SMARCAD1: variants seen among roughly 807,000 people sequenced by gnomAD.
SMARCAD1 encodes SNF2 related chromatin remodeling ATPase with DExD box 1, also known as SWI/SNF-related matrix-associated actin-dependent regulator of chromatin subfamily A containing DEAD/H box 1.
Under a neutral mutation model 127.1 loss-of-function variants are expected in SMARCAD1, and 25 were observed. The ratio of observed to expected loss-of-function variants is 0.20; its 90% CI spans 0.14 to 0.27. The LOEUF (loss-of-function observed/expected upper bound fraction) is 0.27, where lower values mean the gene tolerates loss of function less well. Among genes scored for constraint, SMARCAD1 ranks in the 10% least tolerant of loss-of-function variants. SMARCAD1 has a pLI of 1.00. For synonymous variants in SMARCAD1, 400 were observed against 396.9 expected (o/e 1.01, Z -0.09); for missense variants, 807 against 1,206.0 (o/e 0.67, Z 4.90).
chr4:94,237,497 C>CT (rs1746859232), intron 5 of SMARCAD1, among the ~76,000 whole-genome samples: 1 of 92,588 alleles, frequency 1.1e-5, no homozygotes, highest in African/African-American at 3.5e-5. Flanking sequence ...CTTACACATA[C>CT]TAAAAAAAAA....
chr4:94,221,280 T>A (rs1450440067), intron 2 of SMARCAD1, among the ~76,000 whole-genome samples: 1 of 152,220 alleles, frequency 6.6e-6, no homozygotes, highest in Admixed American at 6.5e-5. Context: ...TATTACTCAG[T>A]GAACTAGTAT....
chr4:94,274,544 T>C (rs1351228984), intron 12 of SMARCAD1, among the ~76,000 whole-genome samples, 194 bp from the exon 13 acceptor site: 4 of 152,182 alleles, frequency 2.6e-5, no homozygotes, highest in African/African-American at 9.6e-5. Flanking sequence ...ATCAAACTCC[T>C]GACCTCAGGT....
chr4:94,287,172 T>TA (rs1318265494), intron 23 of SMARCAD1, among the ~76,000 whole-genome samples: 1 of 152,192 alleles, frequency 6.6e-6, no homozygotes, highest in Non-Finnish European at 1.5e-5. Flanking sequence ...AAGCTGTTTA[T>TA]ATGTGTTTTT....
At chr4:94,279,933 C>T (rs969862284) in intron 19 of SMARCAD1, among the ~76,000 whole-genome samples, 4 of 151,926 alleles carry the variant, frequency 2.6e-5, no homozygotes, top group Non-Finnish European at 5.9e-5. Flanking sequence ...GGCATGATCT[C>T]TGCTCACTGC....
chr4:94,279,331 G>A (rs562862605), intron 19 of SMARCAD1, among the ~76,000 whole-genome samples: 3 of 152,156 alleles, frequency 2.0e-5, no homozygotes, highest in African/African-American at 7.2e-5. Context: ...GTACGGATGG[G>A]GTTTTGCCAT....
chr4:94,234,209 C>A (rs2664889), intron 4 of SMARCAD1, 87 bp downstream of exon 4: 1 of 1,175,888 alleles, frequency 8.5e-7, no homozygotes, highest in Non-Finnish European at 1.2e-6. Context: ...AGTCATTTTT[C>A]TAAAGATATC....
intron 6 of SMARCAD1, among the ~76,000 whole-genome samples, chr4:94,243,649 T>C (rs1458277131): frequency 6.6e-6 from 1 of 152,206 alleles, no homozygotes; most frequent in Non-Finnish European, 1.5e-5. Flanking sequence ...AAAATTTGCA[T>C]GTGCTTATGT....
At chr4:94,249,556 A>T in intron 6 of SMARCAD1, 98 bp from the exon 7 acceptor site, 1 of 737,230 alleles carries the variant, frequency 1.4e-6, no homozygotes, top group Non-Finnish European at 2.5e-6. Context: ...ACTGATGATG[A>T]TAATTTTCAG....
In SMARCAD1 at chr4:94,276,352, A is replaced by G. The variant is rs763264827; in HGVS notation, c.1822A>G (p.Ile608Val). 6.2e-7 allele frequency: 1 copy of G among 1,614,170 alleles called. No individual in the cohort carries two copies. Among genetic ancestry groups the G allele is most frequent in the African/African-American group, 1.3e-5 (1 of 75,060 alleles). ...NVIVTTYNCAISSSDDRSLFR... is the reference protein window; with the variant it reads ...NVIVTTYNCAVSSSDDRSLFR... ...TTTTGGTGACAGATATAACTGTGCG[A>G]TCAGCAGTTCTGATGACCGTAGTCT... Residue 608 changes from isoleucine to valine, a missense_variant, in exon 15 of 24, where the codon ATC (isoleucine) becomes GTC (valine). By Grantham distance (29) the Ile-to-Val change is conservative. Coordinates refer to ENST00000354268, the MANE Select transcript of SMARCAD1 (RefSeq NM_020159.5).
chr4:94,264,537 T>C (rs1751459375), intron 9 of SMARCAD1, 170 bp from the exon 10 acceptor site: 1 of 565,364 alleles, frequency 1.8e-6, no homozygotes, highest in African/African-American at 1.9e-5. Flanking sequence ...AAGTGAAACA[T>C]GTAGCAACTC....
intron 2 of SMARCAD1, among the ~76,000 whole-genome samples, chr4:94,212,792 A>G (rs1477215236): frequency 6.6e-6 from 1 of 152,110 alleles, no homozygotes; most frequent in East Asian, 1.9e-4. Flanking sequence ...TTTATTTTAA[A>G]ATAGGACCTT....
chr4:94,219,433 A>C (rs143822270), intron 2 of SMARCAD1, among the ~76,000 whole-genome samples: 1 of 151,670 alleles, frequency 6.6e-6, no homozygotes, highest in Non-Finnish European at 1.5e-5. Flanking sequence ...TTTTTGTTTG[A>C]AGGAGCCTTG....
intron 7 of SMARCAD1, among the ~76,000 whole-genome samples, 155 bp downstream of exon 7, chr4:94,249,910 C>G (rs957987812): frequency 4.6e-5 from 7 of 151,844 alleles, no homozygotes; most frequent in Admixed American, 4.6e-4. Context: ...TATTTTCATA[C>G]TGTTTATTTA....
intron 3 of SMARCAD1, 60 bp from the exon 4 acceptor site, chr4:94,233,894 A>G: frequency 6.5e-7 from 1 of 1,536,138 alleles, no homozygotes; most frequent in South Asian, 1.1e-5. Context: ...TAGACACTAT[A>G]ATGAAATAAC....
At chr4:94,225,310 C>T (rs977475920) in intron 2 of SMARCAD1, among the ~76,000 whole-genome samples, 1 of 152,090 alleles carries the variant, frequency 6.6e-6, no homozygotes, top group Admixed American at 6.5e-5. Context: ...AAGGTGATCT[C>T]CTTCCTGCCT....
At chr4:94,211,935 C>T (rs950571981) in intron 2 of SMARCAD1, among the ~76,000 whole-genome samples, 2 of 139,458 alleles carry the variant, frequency 1.4e-5, no homozygotes, top group African/African-American at 5.1e-5. Context: ...GTATTTATCA[C>T]TAGCTAACCT....
intron 9 of SMARCAD1, among the ~76,000 whole-genome samples, chr4:94,259,981 A>C (rs896563002): frequency 1.3e-5 from 2 of 152,134 alleles, no homozygotes; most frequent in Non-Finnish European, 2.9e-5. Context: ...AGTAAGGTCC[A>C]CTTATTAAGA....
intron 6 of SMARCAD1, 22 bp downstream of exon 6, chr4:94,241,028 A>G (rs1747498673): frequency 6.4e-7 from 1 of 1,568,384 alleles, no homozygotes; most frequent in Non-Finnish European, 8.8e-7. Flanking sequence ...TTTGAATTAC[A>G]GTATCAAAAT....
chr4:94,284,338 AAAAAAAAAAAAAAAAG>A lies in SMARCAD1; in HGVS notation c.2910-615_2910-600del, dbSNP rs1457122540. Among the ~76,000 whole-genome samples, 18 of 103,506 alleles carry A rather than the reference AAAAAAAAAAAAAAAAG, an allele frequency of 1.7e-4. No homozygotes were observed. The Admixed American group carries it at 1.9e-3, about 11-fold the overall frequency. The allele number at this position is 103,506 out of a possible 152,430, so 67.9% of individuals were successfully genotyped here. ...CAAGACTCCGTCTCAAAAAAAAAAAAAAAAAAAAAAAAAAAGAAAAAAGTAATTTCCATCTGAACAC... is the reference window on the plus strand; with the variant it reads ...CAAGACTCCGTCTCAAAAAAAAAAAAAAAAAAGTAATTTCCATCTGAACAC... On this transcript the variant is annotated intron_variant, in intron 22 of 23. Transcript: ENST00000354268.
Sources: allele counts gnomAD v4.1 joint callset (sites outside exome capture counted in the v4.1 genomes callset), GRCh38; gene constraint gnomAD v4.1.1; transcripts MANE v1.5; gene names NCBI Gene and HGNC (gene_info 2026-07-23, HGNC 2026-07-21).